PRKX: variants seen among roughly 807,000 people sequenced by gnomAD.
The protein encoded by PRKX is protein kinase cAMP-dependent X-linked catalytic subunit, also known as cAMP-dependent protein kinase catalytic subunit PRKX.
Under a neutral mutation model 22.0 loss-of-function variants are expected in PRKX, and 12 were observed. The observed-to-expected ratio is 0.54, with a 90% CI of 0.35 to 0.88. The LOEUF (loss-of-function observed/expected upper bound fraction) is 0.88. PRKX is among the 40% of genes least tolerant of loss of function. The pLI, the probability that PRKX is intolerant of heterozygous loss-of-function variation, is 0.01. For missense variants in PRKX, 217 were observed against 308.0 expected (o/e 0.70, Z 2.21); for synonymous variants, 134 against 137.7 (o/e 0.97, Z 0.19).
intron 1 of PRKX, among the ~76,000 whole-genome samples, chrX:3,681,123 T>A (rs1928063152): frequency 8.9e-6 from 1 of 111,752 alleles, no homozygotes; most frequent in African/African-American, 3.3e-5. Context: ...GGTGCACACC[T>A]GTAATCCCAG....
Position 3,626,529 on chromosome X carries a change from A to C in PRKX, c.720-15T>G. 1 of 1,168,056 alleles carries C rather than the reference A, an allele frequency of 8.6e-7. No homozygotes were observed. The highest frequency in any genetic ancestry group is 1.2e-6 in the Non-Finnish European group (1 of 856,449). On this transcript the variant is annotated splice_polypyrimidine_tract_variant and intron_variant, in intron 4 of 8. Coordinates refer to ENST00000262848, the MANE Select transcript of PRKX (RefSeq NM_005044.5). The stretch of plus-strand genomic sequence containing the variant: ...ACGGAGGAAACCTGTTAGAAAAACA[A>C]ACATGTATTTTTAGTGGGGAGTAAG...
chrX:3,615,077 G>C (rs1391969725), intron 7 of PRKX, among the ~76,000 whole-genome samples: 2 of 92,961 alleles, frequency 2.2e-5, no homozygotes, highest in Admixed American at 2.6e-4. Flanking sequence ...GGAGTGCAGT[G>C]GCATAATCTT....
At chrX:3,709,418 G>A (rs1311517547) in intron 1 of PRKX, among the ~76,000 whole-genome samples, 3 of 111,074 alleles carry the variant, frequency 2.7e-5, no homozygotes, top group Non-Finnish European at 3.8e-5. Flanking sequence ...CTTCCTCATC[G>A]TCATCGTGTA....
chrX:3,612,606 A>G (rs1310575535), intron 7 of PRKX, among the ~76,000 whole-genome samples: 1 of 109,843 alleles, frequency 9.1e-6, no homozygotes, highest in Non-Finnish European at 1.9e-5. Flanking sequence ...TGGGGAACAC[A>G]GGGAGTCCCC....
chrX:3,707,256 C>T (rs1225988766), intron 1 of PRKX, among the ~76,000 whole-genome samples: 1 of 112,155 alleles, frequency 8.9e-6, no homozygotes, highest in African/African-American at 3.2e-5. Context: ...GAACAACTGC[C>T]GATAATGCCA....
At chrX:3,618,050 CAA>C (rs755608512) in intron 6 of PRKX, among the ~76,000 whole-genome samples, 2 of 60,611 alleles carry the variant, frequency 3.3e-5, no homozygotes. Flanking sequence ...TGCTGTGTCT[CAA>C]AAAAAAAAAA....
At chrX:3,692,368 G>A (rs1928348844) in intron 1 of PRKX, among the ~76,000 whole-genome samples, 1 of 109,816 alleles carries the variant, frequency 9.1e-6, no homozygotes. Flanking sequence ...GGGAAGGCCG[G>A]CCCCCAGTTG....
chrX:3,707,808 A>C (rs1694874778), intron 1 of PRKX, among the ~76,000 whole-genome samples: 1 of 111,831 alleles, frequency 8.9e-6, no homozygotes, highest in African/African-American at 3.3e-5. Context: ...TCACACATGC[A>C]TGAGCCTGTC....
intron 1 of PRKX, among the ~76,000 whole-genome samples, chrX:3,707,106 C>T (rs1394525922): frequency 9.0e-6 from 1 of 111,295 alleles, no homozygotes; most frequent in Non-Finnish European, 1.9e-5. Context: ...CCAGCCTGGG[C>T]GACAGAGTAA....
intron 1 of PRKX, among the ~76,000 whole-genome samples, chrX:3,704,493 T>A (rs1271798636): frequency 9.1e-6 from 1 of 110,475 alleles, no homozygotes; most frequent in Non-Finnish European, 1.9e-5. Flanking sequence ...GACGAGACTA[T>A]CTCTACCAAA....
At chrX:3,712,140 T>C (rs1250024296) in intron 1 of PRKX, among the ~76,000 whole-genome samples, 1 of 111,174 alleles carries the variant, frequency 9.0e-6, no homozygotes, top group Non-Finnish European at 1.9e-5. Context: ...CTTCCTCCTT[T>C]CCAAAATGAG....
chrX:3,645,419 T>C (rs779894071), intron 3 of PRKX, among the ~76,000 whole-genome samples: 72 of 111,765 alleles, frequency 6.4e-4, no homozygotes, highest in African/African-American at 2.3e-3. Flanking sequence ...CCCCCCAAAG[T>C]CCTAAACCCC....
At chrX:3,615,145 A>G (rs1254277826) in intron 7 of PRKX, among the ~76,000 whole-genome samples, 5 of 105,455 alleles carry the variant, frequency 4.7e-5, no homozygotes, top group East Asian at 3.0e-4. Context: ...CAGCCTCCCA[A>G]GTAGCTGGTA....
intron 3 of PRKX, among the ~76,000 whole-genome samples, chrX:3,647,321 T>C (rs1031937536): frequency 1.9e-5 from 2 of 106,964 alleles, no homozygotes; most frequent in Admixed American, 2.0e-4. Context: ...CATATAATTA[T>C]TTGGTAGCCA....
At chrX:3,652,051 G>A (rs887810248) in intron 3 of PRKX, among the ~76,000 whole-genome samples, 5 of 111,018 alleles carry the variant, frequency 4.5e-5, no homozygotes, top group African/African-American at 6.6e-5. Flanking sequence ...CTATGAGGAC[G>A]CTGAGGCATA....
At chrX:3,620,238 G>A (rs1331908554) in intron 6 of PRKX, among the ~76,000 whole-genome samples, 2 of 112,151 alleles carry the variant, frequency 1.8e-5, no homozygotes, top group African/African-American at 3.2e-5. Flanking sequence ...CCACACAATC[G>A]AATACTATGC....
chrX:3,673,316 A>G (rs7063728), intron 2 of PRKX, among the ~76,000 whole-genome samples: 7 of 111,544 alleles, frequency 6.3e-5, no homozygotes, highest in African/African-American at 2.0e-4. Context: ...AGCACCTTCT[A>G]CCTTCTCCTG....
chrX:3,698,635 G>T (rs1214585365), intron 1 of PRKX, among the ~76,000 whole-genome samples: 3 of 111,208 alleles, frequency 2.7e-5, no homozygotes, highest in Non-Finnish European at 5.7e-5. Context: ...GGAGTGCAGT[G>T]GCATACACAG....
Sources: allele counts gnomAD v4.1 joint callset (sites outside exome capture counted in the v4.1 genomes callset), GRCh38; gene constraint gnomAD v4.1.1; transcripts MANE v1.5; gene names NCBI Gene and HGNC (gene_info 2026-07-23, HGNC 2026-07-21).